Variants in ARL3 observed in about 807,000 individuals in gnomAD.
ARL3 encodes ADP-ribosylation factor-like protein 3.
Under a neutral mutation model 26.0 loss-of-function variants are expected in ARL3, and 9 were observed. The observed-to-expected ratio is 0.35, with a 90% CI of 0.21 to 0.60. ARL3 has a LOEUF of 0.60. Ranked by LOEUF, ARL3 falls within the 20% of genes least tolerant of loss-of-function variation. The pLI, the probability that ARL3 is intolerant of heterozygous loss-of-function variation, is 0.78. For synonymous variants in ARL3, 71 were observed against 78.4 expected (o/e 0.91, Z 0.50); for missense variants, 158 against 215.7 (o/e 0.73, Z 1.67).
At chr10:102,696,846 C>T (rs572724698) in intron 3 of ARL3, among the ~76,000 whole-genome samples, 3 of 152,218 alleles carry the variant, frequency 2.0e-5, no homozygotes, top group South Asian at 2.1e-4. Flanking sequence ...ACTTACCAGC[C>T]GCTGAAGTGG....
At chr10:102,688,928 T>C (rs1590121847) in intron 4 of ARL3, among the ~76,000 whole-genome samples, 1 of 152,250 alleles carries the variant, frequency 6.6e-6, no homozygotes. Flanking sequence ...CGTTTTCACA[T>C]GGCCTGGGAA....
chr10:102,676,847 G>T lies in ARL3; in HGVS notation c.*47C>A. The T allele has an allele frequency of 6.3e-7, 1 of 1,594,296 alleles. No homozygotes were observed. The highest frequency in any genetic ancestry group is 1.1e-5 in the South Asian group (1 of 90,592). The stretch of plus-strand genomic sequence containing the variant: ...AAAGCAGCAAATTAGTGTTTTTCAG[G>T]ACCGAATTCGGCTCCCGCAGCTCCT... On this transcript the variant is annotated 3_prime_UTR_variant, in exon 6 of 6. Coordinates refer to ENST00000260746, the MANE Select transcript of ARL3 (RefSeq NM_004311.4).
In ARL3 at chr10:102,686,754, G is replaced by A. The variant is rs1052349832; in HGVS notation, c.316-753C>T. On this transcript the variant is annotated intron_variant, in intron 4 of 5. Transcript: ENST00000260746. ...TGCTGGGATTACGGTGTGAGCCGCC[G>A]TGCTCAGTCTGATTATCAAACTTGA... Among the ~76,000 whole-genome samples the A allele has an allele frequency of 3.3e-5, 5 of 151,080 alleles. No individual in the cohort carries two copies. The South Asian group carries it at 6.3e-4, about 19-fold the overall frequency.
At chr10:102,705,255 G>C in intron 2 of ARL3, 91 bp downstream of exon 2, 4 of 1,393,194 alleles carry the variant, frequency 2.9e-6, no homozygotes, top group Non-Finnish European at 3.8e-6. Flanking sequence ...AAACTTGGAA[G>C]TGGACAAAAC....
chr10:102,700,739 C>T (rs2064275718), intron 2 of ARL3, among the ~76,000 whole-genome samples: 1 of 148,532 alleles, frequency 6.7e-6, no homozygotes, highest in Non-Finnish European at 1.5e-5. Flanking sequence ...ACTGGGATTA[C>T]AGGCATGCGC....
At chr10:102,704,732 CAT>C (rs904220209) in intron 2 of ARL3, among the ~76,000 whole-genome samples, 21 of 152,240 alleles carry the variant, frequency 1.4e-4, no homozygotes, top group Non-Finnish European at 2.5e-4. Context: ...CAAACACACA[CAT>C]GTGTATATAT....
intron 2 of ARL3, among the ~76,000 whole-genome samples, chr10:102,701,365 C>T (rs1051711562): frequency 2.0e-5 from 3 of 152,156 alleles, no homozygotes; most frequent in African/African-American, 7.2e-5. Flanking sequence ...AACACTGCTG[C>T]CTGGCACAGA....
chr10:102,712,545 T>C (rs1212533942), intron 1 of ARL3, among the ~76,000 whole-genome samples: 5 of 152,368 alleles, frequency 3.3e-5, no homozygotes, highest in Admixed American at 3.3e-4. Flanking sequence ...CAGTGTTGTA[T>C]ATACACTGTA....
At chr10:102,712,321 G>A (rs1398501617) in intron 1 of ARL3, among the ~76,000 whole-genome samples, 1 of 152,114 alleles carries the variant, frequency 6.6e-6, no homozygotes, top group East Asian at 1.9e-4. Flanking sequence ...ATACCAGATG[G>A]GATACACTTA....
intron 1 of ARL3, among the ~76,000 whole-genome samples, chr10:102,713,231 C>A (rs897043836): frequency 1.3e-5 from 2 of 152,100 alleles, no homozygotes; most frequent in African/African-American, 4.8e-5. Flanking sequence ...TGTTCAAAAT[C>A]AATTTTTCTT....
At chr10:102,696,982 C>G (rs2064251853) in intron 3 of ARL3, among the ~76,000 whole-genome samples, 1 of 152,104 alleles carries the variant, frequency 6.6e-6, no homozygotes, top group Non-Finnish European at 1.5e-5. Flanking sequence ...TTACACACAC[C>G]TAGATGGTCT....
At chr10:102,700,211 T>G (rs1172979728) in intron 2 of ARL3, among the ~76,000 whole-genome samples, 1 of 151,938 alleles carries the variant, frequency 6.6e-6, no homozygotes, top group Non-Finnish European at 1.5e-5. Context: ...GAGTTCGAGA[T>G]CAGCCTGGTC....
intron 5 of ARL3, among the ~76,000 whole-genome samples, chr10:102,683,600 T>C (rs537538784): frequency 3.3e-5 from 5 of 152,346 alleles, no homozygotes; most frequent in African/African-American, 1.2e-4. Flanking sequence ...AACTTTCTTA[T>C]CAAAATCAAA....
At chr10:102,701,507 G>C (rs1664861322) in intron 2 of ARL3, among the ~76,000 whole-genome samples, 1 of 152,178 alleles carries the variant, frequency 6.6e-6, no homozygotes, top group Non-Finnish European at 1.5e-5. Context: ...GAATACATTA[G>C]AAGTTCGAGA....
intron 3 of ARL3, among the ~76,000 whole-genome samples, chr10:102,691,157 A>C (rs1244096782): frequency 6.6e-6 from 1 of 152,060 alleles, no homozygotes; most frequent in Non-Finnish European, 1.5e-5. Flanking sequence ...GTTTTAGGGT[A>C]CATGTGCACA....
rs1371986324 is a variant in ARL3, at chr10:102,696,126, GC to G, written c.264+3246del. ...CTACAGGCGCCCGCCACCATGCCCG[GC>G]TATTTTTTTGTATTTTTTAGTAGAG... On this transcript the variant is annotated intron_variant, in intron 3 of 5. Transcript: ENST00000260746. Among the ~76,000 whole-genome samples the G allele has an allele frequency of 1.5e-4, 22 of 151,714 alleles. 1 individual carries two copies. The highest frequency in any genetic ancestry group is 1.4e-3 in the Admixed American group (21 of 15,202).
intron 1 of ARL3, among the ~76,000 whole-genome samples, chr10:102,712,808 G>T (rs2064351202): frequency 6.7e-6 from 1 of 148,218 alleles, no homozygotes; most frequent in East Asian, 2.3e-4. Flanking sequence ...GTACTCATTT[G>T]TTGAGAAAAA....
At chr10:102,678,709 A>G (rs1157382566) in intron 5 of ARL3, among the ~76,000 whole-genome samples, 1 of 152,232 alleles carries the variant, frequency 6.6e-6, no homozygotes, top group East Asian at 1.9e-4. Context: ...AGATTATTGC[A>G]TATAACTGAA....
intron 3 of ARL3, among the ~76,000 whole-genome samples, chr10:102,691,214 T>A (rs1488629404): frequency 2.6e-5 from 4 of 151,820 alleles, no homozygotes; most frequent in African/African-American, 9.7e-5. Flanking sequence ...GCTGGTGCGC[T>A]GCACCCACTA....
Sources: allele counts gnomAD v4.1 joint callset (sites outside exome capture counted in the v4.1 genomes callset), GRCh38; gene constraint gnomAD v4.1.1; transcripts MANE v1.5; gene names NCBI Gene and HGNC (gene_info 2026-07-23, HGNC 2026-07-21).